The following NKAIN2 variants were observed in gnomAD, a reference collection of about 807,000 sequenced individuals.
NKAIN2 encodes sodium/potassium transporting ATPase interacting 2.
NKAIN2 carries 14 observed loss-of-function variants against 32.6 expected under a neutral mutation model. The observed-to-expected ratio is 0.43, with a 90% CI of 0.28 to 0.67. The LOEUF is 0.67. Among genes scored for constraint, NKAIN2 ranks in the 30% least tolerant of loss-of-function variants. NKAIN2 has a pLI of 0.17. For missense variants in NKAIN2, 198 were observed against 258.3 expected (o/e 0.77, Z 1.60); for synonymous variants, 80 against 87.2 (o/e 0.92, Z 0.46).
At chr6:124,519,124 A>T (rs181431652) in intron 3 of NKAIN2, among the ~76,000 whole-genome samples, 174 of 152,332 alleles carry the variant, frequency 1.1e-3, no homozygotes, top group African/African-American at 3.7e-3. Context: ...TTGTGAGATC[A>T]GTTAGAAAAA....
intron 3 of NKAIN2, among the ~76,000 whole-genome samples, chr6:124,425,032 C>G (rs1774922570): frequency 2.0e-5 from 3 of 151,970 alleles, no homozygotes; most frequent in Non-Finnish European, 4.4e-5. Flanking sequence ...GTAGAGAGCC[C>G]AGAAATAAAT....
chr6:124,151,793 A>G (rs780433106), intron 1 of NKAIN2, among the ~76,000 whole-genome samples: 3 of 152,004 alleles, frequency 2.0e-5, no homozygotes, highest in Non-Finnish European at 4.4e-5. Flanking sequence ...TCTTGATATT[A>G]TCTTTCATGA....
intron 6 of NKAIN2, among the ~76,000 whole-genome samples, chr6:124,821,530 G>T (rs1192743049): frequency 6.6e-6 from 1 of 151,990 alleles, no homozygotes; most frequent in Admixed American, 6.6e-5. Context: ...CTTTAAAGAA[G>T]AGACTCTACA....
At chr6:124,659,381 T>C (rs1784660555) in intron 4 of NKAIN2, among the ~76,000 whole-genome samples, 1 of 151,946 alleles carries the variant, frequency 6.6e-6, no homozygotes, top group Admixed American at 6.6e-5. Context: ...TAGAGTGGCA[T>C]ACAATTCAGA....
intron 1 of NKAIN2, among the ~76,000 whole-genome samples, chr6:123,960,262 C>T (rs1777783549): frequency 6.6e-6 from 1 of 152,186 alleles, no homozygotes; most frequent in African/African-American, 2.4e-5. Context: ...GTTGCGGTCT[C>T]TGGTTAAATG....
At chr6:123,829,778 C>T (rs1774299288) in intron 1 of NKAIN2, among the ~76,000 whole-genome samples, 1 of 152,164 alleles carries the variant, frequency 6.6e-6, no homozygotes, top group African/African-American at 2.4e-5. Flanking sequence ...TCATCTGTGA[C>T]ACATTCAACG....
intron 1 of NKAIN2, among the ~76,000 whole-genome samples, chr6:124,100,852 A>G (rs1267735813): frequency 1.3e-5 from 2 of 152,182 alleles, no homozygotes; most frequent in Admixed American, 6.5e-5. Context: ...GCTGCTCAGT[A>G]TCACAAACTT....
chr6:124,190,259 G>T (rs996723004), intron 1 of NKAIN2, among the ~76,000 whole-genome samples: 12 of 152,170 alleles, frequency 7.9e-5, no homozygotes, highest in African/African-American at 2.7e-4. Flanking sequence ...ATATTACAGG[G>T]TTATCCTGAG....
At chr6:123,851,942 A>G (rs988938408) in intron 1 of NKAIN2, among the ~76,000 whole-genome samples, 1 of 151,910 alleles carries the variant, frequency 6.6e-6, no homozygotes. Flanking sequence ...TTTGCTGTGC[A>G]GAGATTTTGA....
chr6:124,563,952 G>T (rs891157579), intron 3 of NKAIN2, among the ~76,000 whole-genome samples: 1 of 152,244 alleles, frequency 6.6e-6, no homozygotes, highest in East Asian at 1.9e-4. Flanking sequence ...CACATAGGTC[G>T]CATGTTATGG....
chr6:123,862,892 G>T (rs1431857367), intron 1 of NKAIN2, among the ~76,000 whole-genome samples: 1 of 152,114 alleles, frequency 6.6e-6, no homozygotes, highest in Non-Finnish European at 1.5e-5. Context: ...TAAAGTCTTT[G>T]TTGGGTAAAG....
At chr6:124,270,145 T>C (rs1794691152) in intron 1 of NKAIN2, among the ~76,000 whole-genome samples, 1 of 152,144 alleles carries the variant, frequency 6.6e-6, no homozygotes, top group Admixed American at 6.5e-5. Context: ...CGCTTCCACC[T>C]GCAATCCTAT....
At chr6:124,182,187 C>T (rs1264285751) in intron 1 of NKAIN2, among the ~76,000 whole-genome samples, 4 of 152,150 alleles carry the variant, frequency 2.6e-5, no homozygotes, top group African/African-American at 9.7e-5. Context: ...GAGACTCATT[C>T]ACTATCATGA....
chr6:124,792,111 T>G (rs1167141237), intron 5 of NKAIN2, among the ~76,000 whole-genome samples: 1 of 152,140 alleles, frequency 6.6e-6, no homozygotes, highest in African/African-American at 2.4e-5. Flanking sequence ...GGGAAAGTAC[T>G]TCTATTCTCT....
At chr6:124,503,956 G>A (rs2114755150) in intron 3 of NKAIN2, among the ~76,000 whole-genome samples, 1 of 152,232 alleles carries the variant, frequency 6.6e-6, no homozygotes, top group Middle Eastern at 3.4e-3. Flanking sequence ...AATAGCAAGT[G>A]ATATTCATCC....
At chr6:124,212,746 G>T (rs1276986931) in intron 1 of NKAIN2, among the ~76,000 whole-genome samples, 5 of 151,978 alleles carry the variant, frequency 3.3e-5, no homozygotes, top group Non-Finnish European at 7.4e-5. Flanking sequence ...GCAAAGAGAG[G>T]CATTGGTCCA....
chr6:124,380,042 A>G (rs1021386118), intron 3 of NKAIN2, among the ~76,000 whole-genome samples: 1 of 152,148 alleles, frequency 6.6e-6, no homozygotes, highest in African/African-American at 2.4e-5. Context: ...TTTTCACGCT[A>G]TGCAGTTATT....
At chr6:124,050,529 C>T (rs1782355722) in intron 1 of NKAIN2, among the ~76,000 whole-genome samples, 1 of 151,892 alleles carries the variant, frequency 6.6e-6, no homozygotes, top group South Asian at 2.1e-4. Context: ...GCTTGGGGCT[C>T]AGTGGTTTTC....
chr6:124,034,660 G>T (rs998625397), intron 1 of NKAIN2, among the ~76,000 whole-genome samples: 1 of 152,004 alleles, frequency 6.6e-6, no homozygotes, highest in African/African-American at 2.4e-5. Flanking sequence ...TAGGTCTAAT[G>T]GTAGTTCTGT....
Sources: gnomAD v4.1 joint callset for allele counts (sites outside exome capture counted in the v4.1 genomes callset) on GRCh38, gnomAD v4.1.1 for gene constraint, MANE v1.5 for transcripts, NCBI Gene and HGNC (gene_info 2026-07-23, HGNC 2026-07-21) for gene names.